Variants in ACOT7 observed in about 807,000 individuals in gnomAD.
The protein encoded by ACOT7 is cytosolic acyl coenzyme A thioester hydrolase.
ACOT7 carries 12 observed loss-of-function variants against 40.2 expected under a neutral mutation model. The ratio of observed to expected loss-of-function variants is 0.30; its 90% CI spans 0.19 to 0.48. The LOEUF (loss-of-function observed/expected upper bound fraction) is 0.48. ACOT7 is among the 20% of genes least tolerant of loss of function. The probability of loss-of-function intolerance (pLI) is 0.99; values close to 1 mark genes in which losing one functional copy is unlikely to be tolerated. For missense variants in ACOT7, 395 were observed against 530.8 expected, an observed-to-expected ratio of 0.74 and a Z score of 2.51; for synonymous variants, 228 against 219.5, an observed-to-expected ratio of 1.04 and a Z score of -0.34.
At chr1:6,361,552 C>T (rs1373477282) in intron 1 of ACOT7, among the ~76,000 whole-genome samples, 4 of 152,010 alleles carry the variant, frequency 2.6e-5, no homozygotes, top group Non-Finnish European at 5.9e-5. Context: ...TAATCCCAGC[C>T]CCTTGGGAGG....
chr1:6,309,733 A>C (rs901638980), intron 6 of ACOT7, among the ~76,000 whole-genome samples: 1 of 152,172 alleles, frequency 6.6e-6, no homozygotes, highest in African/African-American at 2.4e-5. Context: ...GGGAACTTAT[A>C]ATTAAAACGC....
rs2148421541 is a variant in ACOT7, at chr1:6,318,593, G to T, written c.626-15C>A. 1.2e-6 allele frequency: 2 copies of T among 1,613,084 alleles called. No homozygotes were observed. The highest frequency in any genetic ancestry group is 1.7e-4 in the Middle Eastern group (1 of 6,060). On this transcript the variant is annotated splice_polypyrimidine_tract_variant and intron_variant, in intron 5 of 8. Coordinates refer to ENST00000361521, the MANE Select transcript of ACOT7 (RefSeq NM_007274.4). ...AGTGTTCGGCTCTGGAATTGCAAAAGAGAGAGATTAGTTATGGGGTAGGCT... is the reference window on the plus strand; with the variant it reads ...AGTGTTCGGCTCTGGAATTGCAAAATAGAGAGATTAGTTATGGGGTAGGCT...
Position 6,389,012 on chromosome 1 carries a change from G to C in ACOT7, c.143+4245C>G, listed in dbSNP as rs550942415. Among the ~76,000 whole-genome samples, 15 of 150,916 alleles carry C rather than the reference G, an allele frequency of 9.9e-5. No homozygotes were observed. The East Asian group carries it at 1.4e-3, about 14-fold the overall frequency. On this transcript the variant is annotated intron_variant, in intron 1 of 8. Transcript: ENST00000361521. Reference sequence around the variant, plus strand: ...GCCGAGATCGCGCCACTGCACTCCAGCCTGGGCAACAGAGTGAGACTCCGT... The same window carrying C: ...GCCGAGATCGCGCCACTGCACTCCACCCTGGGCAACAGAGTGAGACTCCGT...
chr1:6,363,727 C>T (rs546146984), intron 1 of ACOT7, among the ~76,000 whole-genome samples: 88 of 152,220 alleles, frequency 5.8e-4, no homozygotes, highest in Middle Eastern at 3.4e-3. Flanking sequence ...TTTACCCCTC[C>T]CCTTTTGCCT....
In ACOT7 at chr1:6,355,898, C is replaced by T. The variant is rs1293439359; in HGVS notation, c.144-6032G>A. The stretch of plus-strand genomic sequence containing the variant: ...GCAGGGAGGGGAGCCGCTCCTGCCC[C>T]CTGGCCTCACCTTGAGGGCTGGCCA... On this transcript the variant is annotated intron_variant, in intron 1 of 8. Transcript: ENST00000361521. The surrounding 1 kb of genome is among the most constrained non-coding windows in gnomAD (Gnocchi z 5.0). 2.0e-5 allele frequency among the ~76,000 whole-genome samples: 3 copies of T among 152,122 alleles called. No homozygotes were observed. Among genetic ancestry groups the T allele is most frequent in the African/African-American group, 7.2e-5 (3 of 41,412 alleles).
chr1:6,304,496 C>A (rs1640065384), intron 6 of ACOT7, among the ~76,000 whole-genome samples: 1 of 129,934 alleles, frequency 7.7e-6, no homozygotes, highest in African/African-American at 3.0e-5. Flanking sequence ...AGCAGATAAA[C>A]AAGTGAACAA....
At chr1:6,304,968 C>T (rs1227290111) in intron 6 of ACOT7, among the ~76,000 whole-genome samples, 20 of 145,574 alleles carry the variant, frequency 1.4e-4, no homozygotes, top group African/African-American at 4.9e-4. Context: ...CCAGTAGGGG[C>T]GGCCGGGCAG....
intron 3 of ACOT7, among the ~76,000 whole-genome samples, chr1:6,339,132 T>A (rs1292981160): frequency 1.3e-5 from 2 of 152,038 alleles, no homozygotes; most frequent in African/African-American, 4.8e-5. Context: ...GCCCCTGCCA[T>A]GGATGAGCTG....
intron 4 of ACOT7, among the ~76,000 whole-genome samples, chr1:6,328,290 T>C (rs1448848963): frequency 2.0e-5 from 3 of 152,168 alleles, no homozygotes; most frequent in African/African-American, 7.2e-5. Flanking sequence ...CAGTAAAAGA[T>C]GGAACTGTCC....
chr1:6,372,188 C>T (rs897754134), intron 1 of ACOT7, among the ~76,000 whole-genome samples: 11 of 152,196 alleles, frequency 7.2e-5, no homozygotes, highest in African/African-American at 2.7e-4. Context: ...TTCTTTCCTT[C>T]AACCTCATGA....
chr1:6,337,617 C>G (rs1175295251), intron 3 of ACOT7, among the ~76,000 whole-genome samples: 1 of 152,134 alleles, frequency 6.6e-6, no homozygotes, highest in Admixed American at 6.5e-5. Flanking sequence ...GTGGGGACAG[C>G]GGGTCCCAGC....
chr1:6,283,035 C>G (rs557156019), intron 7 of ACOT7: 4 of 404,504 alleles, frequency 9.9e-6, no homozygotes, highest in South Asian at 3.6e-5. Flanking sequence ...TTTCCATGAG[C>G]AGAAACCAAC....
At chr1:6,372,489 C>G (rs1416125181) in intron 1 of ACOT7, among the ~76,000 whole-genome samples, 1 of 152,044 alleles carries the variant, frequency 6.6e-6, no homozygotes, top group African/African-American at 2.4e-5. Flanking sequence ...GCACACGAGG[C>G]CTAGCTTTCA....
Position 6,358,311 on chromosome 1 carries a change from C to G in ACOT7, c.144-8445G>C, listed in dbSNP as rs944137871. ...AAAGTTCCAGCAGCACTTGCAGGCC[C>G]CCAAGCAGGACGGGGGAAGAGGCCA... On this transcript the variant is annotated intron_variant, in intron 1 of 8. Transcript: ENST00000361521. The surrounding 1 kb of genome is among the most constrained non-coding windows in gnomAD (Gnocchi z 4.1). Among the ~76,000 whole-genome samples, 2 of 152,100 alleles carry G rather than the reference C, an allele frequency of 1.3e-5. No homozygotes were observed. Among genetic ancestry groups the G allele is most frequent in the Non-Finnish European group, 2.9e-5 (2 of 68,008 alleles).
chr1:6,393,141 G>A (rs1304150047), intron 1 of ACOT7, 116 bp downstream of exon 1: 63 of 1,109,446 alleles, frequency 5.7e-5, no homozygotes, highest in Non-Finnish European at 6.6e-5. Flanking sequence ...GCCGTGCGGG[G>A]AATCGGCGGG....
intron 6 of ACOT7, among the ~76,000 whole-genome samples, chr1:6,316,169 G>C (rs1338150896): frequency 6.6e-6 from 1 of 152,230 alleles, no homozygotes; most frequent in Non-Finnish European, 1.5e-5. Flanking sequence ...GAATGGAGCT[G>C]TATGAGTCTC....
chr1:6,306,815 C>T lies in ACOT7; in HGVS notation c.712+11677G>A. On this transcript the variant is annotated intron_variant, in intron 6 of 8. Coordinates refer to ENST00000361521, the MANE Select transcript of ACOT7 (RefSeq NM_007274.4). This position sits in a 1 kb window ranked among gnomAD's most constrained non-coding sequence, Gnocchi z 4.3. ...CGTAGCAGTGGGGGCTCCGGCCAAA[C>T]AAGGTCACGGAATTGGAAAAGAGTA... 1 of 1,289,000 alleles carries T rather than the reference C, an allele frequency of 7.8e-7. No homozygotes were observed. Among genetic ancestry groups the T allele is most frequent in the Non-Finnish European group, 1.0e-6 (1 of 988,590 alleles). 79.8% of individuals were successfully genotyped at this position (1,289,000 alleles called of 1,614,324 possible).
At chr1:6,270,367 G>C (rs1047097371) in intron 8 of ACOT7, among the ~76,000 whole-genome samples, 1 of 152,206 alleles carries the variant, frequency 6.6e-6, no homozygotes, top group East Asian at 1.9e-4. Context: ...TCAAGTCCCC[G>C]AGGCTGCTGG....
chr1:6,277,379 C>A (rs902500852), intron 8 of ACOT7, among the ~76,000 whole-genome samples: 1 of 152,248 alleles, frequency 6.6e-6, no homozygotes, highest in Non-Finnish European at 1.5e-5. Context: ...ATGCCCCCCA[C>A]TATCAGCTTT....
Sources: allele counts gnomAD v4.1 joint callset (sites outside exome capture counted in the v4.1 genomes callset), GRCh38; gene constraint gnomAD v4.1.1; non-coding constraint Gnocchi (gnomAD v3.1); transcripts MANE v1.5; gene names NCBI Gene and HGNC (gene_info 2026-07-23, HGNC 2026-07-21).